DNAH6: variants seen among roughly 807,000 people sequenced by gnomAD.
The protein encoded by DNAH6 is dynein axonemal heavy chain 6.
A neutral mutation model predicts 491.4 loss-of-function variants in DNAH6; 340 were observed. The observed-to-expected ratio is 0.69, with a 90% confidence interval of 0.63 to 0.76. The LOEUF is 0.76. Ranked by LOEUF, DNAH6 falls within the 30% of genes least tolerant of loss-of-function variation. The probability of loss-of-function intolerance (pLI) is 0.00; values close to 1 mark genes in which losing one functional copy is unlikely to be tolerated. For missense variants in DNAH6, 4,443 were observed against 4,972.2 expected (o/e 0.89, Z 3.20); for synonymous variants, 1,603 against 1,686.1 (o/e 0.95, Z 1.21).
At chr2:84,587,188 T>C (rs1300066414) in intron 15 of DNAH6, among the ~76,000 whole-genome samples, 1 of 152,228 alleles carries the variant, frequency 6.6e-6, no homozygotes, top group Non-Finnish European at 1.5e-5. Flanking sequence ...CTTTCACTTA[T>C]AAGTAAGAAC....
intron 68 of DNAH6, among the ~76,000 whole-genome samples, chr2:84,791,189 C>CA (rs34537336): frequency 0.27 from 30,955 of 114,042 alleles, 4,063 homozygotes; most frequent in African/African-American, 0.44. Flanking sequence ...AACTCCATCT[C>CA]AAAAAAAAAA....
intron 10 of DNAH6, among the ~76,000 whole-genome samples, chr2:84,553,397 CTTTCTTTCTTT>C (rs1679662407): frequency 7.2e-6 from 1 of 138,484 alleles, no homozygotes; most frequent in East Asian, 2.1e-4. Flanking sequence ...TTCTTTCTTT[CTTTCTTTCTTT>C]CTTTCTTTCT....
chr2:84,697,254 T>G (rs1192291), intron 46 of DNAH6, among the ~76,000 whole-genome samples: 50,534 of 152,024 alleles, frequency 0.33, 10,162 homozygotes, highest in African/African-American at 0.58. Context: ...TTCTATATTT[T>G]TGATAAATAT....
the DNAH6 span, among the ~76,000 whole-genome samples, chr2:84,466,967 A>T: frequency 6.6e-6 from 1 of 152,240 alleles, no homozygotes; most frequent in Non-Finnish European, 1.5e-5. Flanking sequence ...CACATATACC[A>T]ATAACACATT....
intron 35 of DNAH6, 68 bp downstream of exon 35, chr2:84,654,850 A>G: frequency 6.6e-7 from 1 of 1,508,412 alleles, no homozygotes; most frequent in Non-Finnish European, 9.0e-7. Context: ...TAGTGCACAA[A>G]TAACAATAGG....
At chr2:84,618,502 A>T (rs144276857) in intron 23 of DNAH6, among the ~76,000 whole-genome samples, 168 of 152,228 alleles carry the variant, frequency 1.1e-3, no homozygotes, top group Admixed American at 7.9e-3. Context: ...TGCTAAGTTG[A>T]CAATCAACAA....
chr2:84,738,968 G>T (rs1672256968), intron 62 of DNAH6, among the ~76,000 whole-genome samples: 1 of 152,114 alleles, frequency 6.6e-6, no homozygotes, highest in Non-Finnish European at 1.5e-5. Flanking sequence ...ATGGTAACAA[G>T]CATTATTCTT....
intron 42 of DNAH6, among the ~76,000 whole-genome samples, chr2:84,683,030 C>T (rs1218917111): frequency 6.6e-6 from 1 of 151,732 alleles, no homozygotes; most frequent in African/African-American, 2.4e-5. Flanking sequence ...GCCCAGGGAC[C>T]GCTGTACATT....
intron 62 of DNAH6, among the ~76,000 whole-genome samples, chr2:84,740,548 A>C (rs1228928065): frequency 6.6e-6 from 1 of 151,964 alleles, no homozygotes; most frequent in African/African-American, 2.4e-5. Context: ...CACTGCACCC[A>C]TGTTTTCTTT....
chr2:84,729,498 G>A (rs1232363402), intron 61 of DNAH6, among the ~76,000 whole-genome samples: 1 of 152,152 alleles, frequency 6.6e-6, no homozygotes, highest in Non-Finnish European at 1.5e-5. Context: ...TTTCTCAACA[G>A]AAACTCAAAG....
Position 84,718,214 on chromosome 2 carries a change from C to A in DNAH6, c.9622C>A (p.Arg3208=). 6.5e-7 allele frequency: 1 copy of A among 1,528,422 alleles called. No homozygotes were observed. Among genetic ancestry groups the A allele is most frequent in the East Asian group, 2.5e-5 (1 of 40,228 alleles). The allele number at this position is 1,528,422 out of a possible 1,614,324, so 94.7% of individuals were successfully genotyped here. ...GAACTTTGGTTTTAGTGATGTGGTG[C>A]GACTTGAAAAACCCAGGTTGGAAGA... ...LEDQLLSDVV[R]LEKPRLEEQR... is the part of the protein sequence containing the mutation. Residue 3208 remains arginine (R), a synonymous_variant, in exon 59 of 77, where the codon CGA becomes AGA. Transcript: ENST00000389394.
At chr2:84,778,765 G>A (rs1676394351) in intron 64 of DNAH6, among the ~76,000 whole-genome samples, 2 of 152,066 alleles carry the variant, frequency 1.3e-5, no homozygotes, top group South Asian at 4.2e-4. Flanking sequence ...CAAAGTGCTG[G>A]GATTACAGGC....
At chr2:84,770,245 C>T (rs1009650177) in intron 64 of DNAH6, among the ~76,000 whole-genome samples, 3 of 152,046 alleles carry the variant, frequency 2.0e-5, no homozygotes, top group East Asian at 1.9e-4. Context: ...AAGTGGGGAC[C>T]GTCTAATTTC....
At chr2:84,784,041 A>G (rs1005880778) in intron 65 of DNAH6, among the ~76,000 whole-genome samples, 2 of 152,202 alleles carry the variant, frequency 1.3e-5, no homozygotes, top group African/African-American at 4.8e-5. Flanking sequence ...TGTTTGAGAA[A>G]CAGCATAATA....
chr2:84,652,998 C>T (rs1001567964), intron 33 of DNAH6, among the ~76,000 whole-genome samples: 2 of 151,790 alleles, frequency 1.3e-5, no homozygotes, highest in South Asian at 2.1e-4. Context: ...AAAATAAGTT[C>T]ATCACCTTCT....
chr2:84,505,489 A>T, the DNAH6 span, among the ~76,000 whole-genome samples: 4 of 152,122 alleles, frequency 2.6e-5, no homozygotes, highest in Non-Finnish European at 4.4e-5. Context: ...TGGGTTTTTC[A>T]TATGCCCTTC....
the DNAH6 span, among the ~76,000 whole-genome samples, chr2:84,488,597 C>T: frequency 1.3e-5 from 2 of 152,046 alleles, no homozygotes; most frequent in South Asian, 2.1e-4. Flanking sequence ...CCTCTACTTC[C>T]GCCGTCACTT....
At chr2:84,473,200 C>A in the DNAH6 span, among the ~76,000 whole-genome samples, 1 of 152,146 alleles carries the variant, frequency 6.6e-6, no homozygotes, top group Non-Finnish European at 1.5e-5. Context: ...AGAATGCTGA[C>A]AAAAACTGCC....
chr2:84,663,670 T>TC (rs1359924808), intron 37 of DNAH6, among the ~76,000 whole-genome samples: 1 of 152,096 alleles, frequency 6.6e-6, no homozygotes. Flanking sequence ...TGGAAAACAC[T>TC]CTGCAGGATA....
Sources: allele counts gnomAD v4.1 joint callset (sites outside exome capture counted in the v4.1 genomes callset), GRCh38; gene constraint gnomAD v4.1.1; transcripts MANE v1.5; gene names NCBI Gene and HGNC (gene_info 2026-07-23, HGNC 2026-07-21).